Variants in TRPV1 observed in about 807,000 individuals in gnomAD.
The protein encoded by TRPV1 is transient receptor potential cation channel subfamily V member 1.
TRPV1 carries 82 observed loss-of-function variants against 82.3 expected under a neutral mutation model. That is an observed-to-expected ratio of 1.00 (90% CI 0.83 to 1.20). The LOEUF (loss-of-function observed/expected upper bound fraction) is 1.20. Among genes scored for constraint, TRPV1 ranks in the 50% most tolerant of loss-of-function variants. TRPV1 has a pLI of 0.00. For missense variants in TRPV1, 1,067 were observed against 1,096.8 expected, an observed-to-expected ratio of 0.97 and a Z score of 0.38; for synonymous variants, 515 against 467.7, an observed-to-expected ratio of 1.10 and a Z score of -1.30.
Position 3,577,767 on chromosome 17 carries a change from C to T in TRPV1, c.1548-4G>A, listed in dbSNP as rs780236699. On this transcript the variant is annotated splice_region_variant and splice_polypyrimidine_tract_variant and intron_variant, in intron 11 of 16. Transcript: ENST00000572705. ...CATGAACAGTGACTGCAGAAAGCTG[C>T]GGGTGGAGGGGCAGAAAGCTCCGTC... 8 of 1,587,328 alleles carry T rather than the reference C, an allele frequency of 5.0e-6. No individual in the cohort carries two copies. Among genetic ancestry groups the T allele is most frequent in the African/African-American group, 1.3e-5 (1 of 74,250 alleles).
At chr17:3,575,376 G>A (rs755772188) in intron 13 of TRPV1, among the ~76,000 whole-genome samples, 5 of 152,146 alleles carry the variant, frequency 3.3e-5, no homozygotes, top group East Asian at 3.9e-4. Context: ...CCAGCTACCT[G>A]GAAGGCTGAG....
chr17:3,568,953 T>C (rs2074811341), intron 16 of TRPV1, among the ~76,000 whole-genome samples: 1 of 152,202 alleles, frequency 6.6e-6, no homozygotes, highest in Admixed American at 6.5e-5. Flanking sequence ...AATGATGAGT[T>C]CATGTCCTTT....
At position 3,572,115 on chromosome 17, in the gene TRPV1, G is replaced by A; in HGVS notation, c.2231+7C>T. On this transcript the variant is annotated splice_region_variant and intron_variant, in intron 15 of 16. Transcript: ENST00000572705. ...AAGCCCTGATTCAGGTGGAGCCTGG[G>A]CATTACCTGAAGCACCACCGGTAGT... 4 of 1,612,552 alleles carry A rather than the reference G, an allele frequency of 2.5e-6. No homozygotes were observed. Among genetic ancestry groups the A allele is most frequent in the Non-Finnish European group, 3.4e-6 (4 of 1,179,014 alleles).
chr17:3,588,389 C>T, intron 7 of TRPV1, 22 bp from the exon 8 acceptor site: 1 of 1,548,150 alleles, frequency 6.5e-7, no homozygotes, highest in South Asian at 1.2e-5. Context: ...GAGCAAGAGC[C>T]CGTCAGAGGC....
chr17:3,601,682 C>A (rs161377), intron 2 of TRPV1: 101,137 of 150,844 alleles, frequency 0.67, 35,475 homozygotes, highest in East Asian at 0.99. Context: ...CTGCAGCCTC[C>A]ACCTCCTGGA....
chr17:3,569,300 G>A (rs1047720809), intron 16 of TRPV1, among the ~76,000 whole-genome samples: 1 of 152,102 alleles, frequency 6.6e-6, no homozygotes, highest in Non-Finnish European at 1.5e-5. Context: ...AGTGGCAGGC[G>A]CCTGTAGTCC....
intron 2 of TRPV1, among the ~76,000 whole-genome samples, chr17:3,604,381 T>G (rs1017246012): frequency 6.6e-6 from 1 of 152,082 alleles, no homozygotes; most frequent in Non-Finnish European, 1.5e-5. Context: ...GCGGATCACC[T>G]GAGGTCAGGA....
chr17:3,588,540 G>A (rs997943559), intron 7 of TRPV1, among the ~76,000 whole-genome samples, 173 bp from the exon 8 acceptor site: 41 of 152,228 alleles, frequency 2.7e-4, no homozygotes, highest in African/African-American at 9.9e-4. Flanking sequence ...GGGCACGGGT[G>A]GCTCATGCCT....
intron 8 of TRPV1, among the ~76,000 whole-genome samples, chr17:3,586,561 C>A (rs1220164059): frequency 1.3e-5 from 2 of 152,220 alleles, no homozygotes; most frequent in African/African-American, 4.8e-5. Flanking sequence ...CACTTGAAGT[C>A]TGGAGTTCAA....
chr17:3,608,960 C>G (rs2075318649), intron 1 of TRPV1: 1 of 152,386 alleles, frequency 6.6e-6, no homozygotes, highest in African/African-American at 2.4e-5. Flanking sequence ...GGCGCGATCT[C>G]AGCTCACTGC....
In TRPV1 at chr17:3,573,720, G is replaced by A; in HGVS notation, c.2016C>T (p.Tyr672=). The A allele has an allele frequency of 6.2e-7, 1 of 1,614,100 alleles. No homozygotes were observed. Among genetic ancestry groups the A allele is most frequent in the Non-Finnish European group, 8.5e-7 (1 of 1,180,022 alleles). ...ILLLAYVILT[Y]ILLLNMLIAL... is the part of the protein sequence containing the mutation. ...CGATGAGCATGTTGAGCAGGAGGAT[G>A]TAGGTGAGAATTACATAGGCCAGCA... The change falls in exon 14 of 17, where the codon TAC becomes TAT. Residue 672 remains tyrosine, a synonymous_variant. Transcript: ENST00000572705.
chr17:3,577,744 T>C lies in TRPV1; in HGVS notation c.1567A>G (p.Met523Val). ...AAGTACAGCACCACGGTGGCCAGCATGAACAGTGACTGCAGAAAGCTGCGG... is the reference window on the plus strand; with the variant it reads ...AAGTACAGCACCACGGTGGCCAGCACGAACAGTGACTGCAGAAAGCTGCGG... The part of the protein sequence containing the change: ...EMLFFLQSLF[M>V]LATVVLYFSH... Residue 523 changes from methionine (M) to valine (V), a missense_variant, in exon 12 of 17, where the codon ATG (methionine) becomes GTG (valine). Physicochemically the swap from Met to Val is conservative, Grantham distance 21. Coordinates refer to ENST00000572705, the MANE Select transcript of TRPV1 (RefSeq NM_080704.4). 1 of 1,593,546 alleles carries C rather than the reference T, an allele frequency of 6.3e-7. No homozygotes were observed. Among genetic ancestry groups the C allele is most frequent in the Non-Finnish European group, 8.5e-7 (1 of 1,170,578 alleles).
Position 3,571,603 on chromosome 17 carries a change from G to A in TRPV1, c.2268C>T (p.Asn756=), listed in dbSNP as rs202197091. The A allele has an allele frequency of 2.4e-5, 38 of 1,612,638 alleles. No homozygotes were observed. Among genetic ancestry groups the A allele is most frequent in the African/African-American group, 1.2e-4 (9 of 75,028 alleles). Residue 756 remains asparagine (N), a synonymous_variant, in exon 16 of 17, where the codon AAC becomes AAT. Coordinates refer to ENST00000572705, the MANE Select transcript of TRPV1 (RefSeq NM_080704.4). ...DEVNWTTWNT[N]VGIINEDPGN... ...CCGGGTCTTCGTTGATGATGCCCAC[G>A]TTGGTGTTCCAGGTGGTCCAGTTCA...
At chr17:3,586,394 T>C (rs2075085585) in intron 8 of TRPV1, among the ~76,000 whole-genome samples, 1 of 152,218 alleles carries the variant, frequency 6.6e-6, no homozygotes, top group Admixed American at 6.5e-5. Context: ...TAGGAGGCCC[T>C]TCCTGCCCCA....
chr17:3,568,201 A>G (rs888833735), intron 16 of TRPV1, among the ~76,000 whole-genome samples: 1 of 151,704 alleles, frequency 6.6e-6, no homozygotes, highest in Non-Finnish European at 1.5e-5. Flanking sequence ...GGGCGCCTGT[A>G]GTCCCAGCTA....
intron 2 of TRPV1, among the ~76,000 whole-genome samples, chr17:3,601,446 C>T (rs2075262575): frequency 6.6e-6 from 1 of 151,820 alleles, no homozygotes; most frequent in African/African-American, 2.4e-5. Flanking sequence ...CTGGGCACAC[C>T]CCTTCCCAGC....
chr17:3,588,835 AC>A, intron 7 of TRPV1: 1 of 1,390,986 alleles, frequency 7.2e-7, no homozygotes, highest in Non-Finnish European at 9.7e-7. Context: ...AAAAAACAAA[AC>A]ACACAAACGT....
chr17:3,566,633 A>G lies in TRPV1; in HGVS notation c.*182T>C. 1 of 639,240 alleles carries G rather than the reference A, an allele frequency of 1.6e-6. No individual in the cohort carries two copies. The allele number at this position is 639,240 out of a possible 1,614,324, so 39.6% of individuals were successfully genotyped here. A position where few individuals can be genotyped will look rare whatever the true frequency, so the allele number is the denominator to read the frequency against. On this transcript the variant is annotated 3_prime_UTR_variant, in exon 17 of 17. Transcript: ENST00000572705. ...CTTGGGGACAGTGACGGTTGGATGT[A>G]CATCACTCCCCATGCTTCCAAGAAC...
At chr17:3,574,009 T>G in intron 13 of TRPV1, 54 bp from the exon 14 acceptor site, 3 of 1,423,384 alleles carry the variant, frequency 2.1e-6, no homozygotes, top group Non-Finnish European at 2.8e-6. Context: ...ATATCCCAAG[T>G]CCCCTGACAT....
Sources: allele counts gnomAD v4.1 joint callset (sites outside exome capture counted in the v4.1 genomes callset), GRCh38; gene constraint gnomAD v4.1.1; transcripts MANE v1.5; gene names NCBI Gene and HGNC (gene_info 2026-07-23, HGNC 2026-07-21).